TRAPPC9: variants seen among roughly 807,000 people sequenced by gnomAD.
The protein encoded by TRAPPC9 is IKK2 binding protein.
Under a neutral mutation model 124.0 loss-of-function variants are expected in TRAPPC9, and 83 were observed. That is an observed-to-expected ratio of 0.67 (90% CI 0.56 to 0.80). The LOEUF (loss-of-function observed/expected upper bound fraction) is 0.80. Among genes scored for constraint, TRAPPC9 ranks in the 30% least tolerant of loss-of-function variants. The pLI, the probability that TRAPPC9 is intolerant of heterozygous loss-of-function variation, is 0.00. For synonymous variants in TRAPPC9, 638 were observed against 617.5 expected (o/e 1.03, Z -0.49); for missense variants, 1,302 against 1,508.3 (o/e 0.86, Z 2.27).
chr8:140,065,997 AT>A (rs778010036), intron 17 of TRAPPC9, among the ~76,000 whole-genome samples: 21 of 152,258 alleles, frequency 1.4e-4, no homozygotes, highest in Non-Finnish European at 2.6e-4. Flanking sequence ...GGCAAAGTAC[AT>A]TGAAAACCTT....
intron 18 of TRAPPC9, among the ~76,000 whole-genome samples, chr8:139,998,473 C>T (rs567677506): frequency 6.6e-6 from 1 of 152,220 alleles, no homozygotes; most frequent in South Asian, 2.1e-4. Context: ...AATCCCAGCA[C>T]TTTGGGAGGC....
chr8:140,297,341 CAT>C lies in TRAPPC9; in HGVS notation c.1768+3126_1768+3127del, dbSNP rs1169019118. On this transcript the variant is annotated intron_variant, in intron 11 of 22. Transcript: ENST00000438773. Reference sequence around the variant, plus strand: ...ATGCATGCACACACTCATACACACACATGCATAGACACACACACATACACGCA... The same window carrying C: ...ATGCATGCACACACTCATACACACACGCATAGACACACACACATACACGCA... Among the ~76,000 whole-genome samples, 323 of 144,730 alleles carry C rather than the reference CAT, an allele frequency of 2.2e-3. 2 individuals are homozygous for C. The highest frequency in any genetic ancestry group is 8.2e-3 in the African/African-American group (309 of 37,542). 94.9% of individuals were successfully genotyped at this position (144,730 alleles called of 152,430 possible). A position where few individuals can be genotyped will look rare whatever the true frequency, so the allele number is the denominator to read the frequency against.
chr8:140,287,594 G>A lies in TRAPPC9; in HGVS notation c.1981+14C>T. The A allele has an allele frequency of 6.2e-7, 1 of 1,614,052 alleles. No individual in the cohort carries two copies. The highest frequency in any genetic ancestry group is 8.5e-7 in the Non-Finnish European group (1 of 1,179,952). ...GACCCTCCTGAGCAGGAAGCATGAA[G>A]GGACTCTCCTTACCGTTCACAGTAA... On this transcript the variant is annotated intron_variant, in intron 13 of 22. Coordinates refer to ENST00000438773, the MANE Select transcript of TRAPPC9 (RefSeq NM_001160372.4).
At position 140,309,403 on chromosome 8, in the gene TRAPPC9, C is replaced by T. The variant is rs138776342; in HGVS notation, c.1622+1845G>A. Reference sequence around the variant, plus strand: ...CACACAAGTGAGAGTGAACCCAGGGCCTCTCGCTTAACTCCAGGGCTGCCT... The same window carrying T: ...CACACAAGTGAGAGTGAACCCAGGGTCTCTCGCTTAACTCCAGGGCTGCCT... On this transcript the variant is annotated intron_variant, in intron 10 of 22. Transcript: ENST00000438773. 2.6e-3 allele frequency among the ~76,000 whole-genome samples: 390 copies of T among 152,344 alleles called. 1 individual carries two copies. The highest frequency in any genetic ancestry group is 9.1e-3 in the African/African-American group (377 of 41,590).
chr8:140,274,740 T>C (rs1437628201), intron 15 of TRAPPC9, among the ~76,000 whole-genome samples: 2 of 152,148 alleles, frequency 1.3e-5, no homozygotes, highest in Non-Finnish European at 1.5e-5. Flanking sequence ...TCTAAGAAAC[T>C]TGGTTTGTCG....
chr8:140,259,515 G>A (rs1466320158), intron 15 of TRAPPC9, among the ~76,000 whole-genome samples: 1 of 152,236 alleles, frequency 6.6e-6, no homozygotes. Context: ...CCTTCGATAA[G>A]TTACCAAAGT....
intron 20 of TRAPPC9, chr8:139,904,910 C>G (rs1180450417): frequency 6.6e-6 from 1 of 152,142 alleles, no homozygotes; most frequent in Non-Finnish European, 1.5e-5. Context: ...CGTCATTAGT[C>G]CTATCCCAAA....
At chr8:140,191,092 C>T (rs1025077523) in intron 17 of TRAPPC9, among the ~76,000 whole-genome samples, 1 of 152,124 alleles carries the variant, frequency 6.6e-6, no homozygotes, top group Admixed American at 6.5e-5. Context: ...AGCATCTGCC[C>T]CCACCAAGGC....
At chr8:140,269,457 C>T (rs1250734882) in intron 15 of TRAPPC9, among the ~76,000 whole-genome samples, 3 of 151,954 alleles carry the variant, frequency 2.0e-5, no homozygotes, top group Non-Finnish European at 2.9e-5. Flanking sequence ...AGGAGAATGG[C>T]GTGAACCCGG....
Position 140,455,710 on chromosome 8 carries a change from T to G in TRAPPC9, c.-11+1929A>C, listed in dbSNP as rs190078545. ...TCCCAAAGTGCTGGGATTACAGGCG[T>G]GAGCCACCATGCCTGGCCAGGCACA... On this transcript the variant is annotated intron_variant, in intron 1 of 22. Transcript: ENST00000438773. 8.4e-3 allele frequency among the ~76,000 whole-genome samples: 1,280 copies of G among 152,274 alleles called. 23 individuals carry two copies. The highest frequency in any genetic ancestry group is 0.029 in the African/African-American group (1,205 of 41,558).
At chr8:139,921,593 T>C (rs1832505217) in intron 19 of TRAPPC9, among the ~76,000 whole-genome samples, 1 of 151,830 alleles carries the variant, frequency 6.6e-6, no homozygotes, top group Non-Finnish European at 1.5e-5. Flanking sequence ...AGACACACAG[T>C]AAGGGGAGCT....
chr8:140,370,575 A>G (rs1311083743), intron 8 of TRAPPC9, among the ~76,000 whole-genome samples: 1 of 152,234 alleles, frequency 6.6e-6, no homozygotes, highest in Non-Finnish European at 1.5e-5. Context: ...ATAAGAATTT[A>G]CTGCTGAATG....
intron 20 of TRAPPC9, among the ~76,000 whole-genome samples, chr8:139,899,834 C>T (rs1250314358): frequency 6.6e-6 from 1 of 152,154 alleles, no homozygotes; most frequent in African/African-American, 2.4e-5. Context: ...TTAAAGGCCT[C>T]ACCAAGGGCT....
intron 16 of TRAPPC9, among the ~76,000 whole-genome samples, chr8:140,232,118 A>G (rs1424376977): frequency 1.3e-5 from 2 of 151,770 alleles, no homozygotes; most frequent in Admixed American, 6.6e-5. Context: ...GGGTCTTGCT[A>G]TGTTGCCCAG....
intron 9 of TRAPPC9, among the ~76,000 whole-genome samples, chr8:140,321,303 T>C (rs1046002351): frequency 6.6e-6 from 1 of 152,196 alleles, no homozygotes; most frequent in Admixed American, 6.5e-5. Context: ...GTAGTGACAG[T>C]GAACCCGGAG....
chr8:140,215,003 C>T (rs1190517229), intron 17 of TRAPPC9, among the ~76,000 whole-genome samples: 8 of 152,168 alleles, frequency 5.3e-5, no homozygotes, highest in Admixed American at 4.6e-4. Context: ...GTAACAAGCT[C>T]ATGGTGCCAG....
intron 13 of TRAPPC9, among the ~76,000 whole-genome samples, chr8:140,284,350 G>A (rs1183224233): frequency 3.3e-5 from 5 of 152,158 alleles, no homozygotes; most frequent in African/African-American, 1.2e-4. Context: ...TTGCTTTTCA[G>A]ATTTATCCAT....
intron 7 of TRAPPC9, among the ~76,000 whole-genome samples, chr8:140,394,113 T>C (rs571116858): frequency 1.3e-5 from 2 of 152,370 alleles, no homozygotes; most frequent in South Asian, 4.1e-4. Context: ...TTTTATGAAA[T>C]GTGTGTTTCT....
intron 6 of TRAPPC9, among the ~76,000 whole-genome samples, chr8:140,404,313 T>C (rs180804175): frequency 7.9e-5 from 12 of 152,286 alleles, no homozygotes; most frequent in Admixed American, 7.2e-4. Context: ...TTTTTTCTAA[T>C]TCACGGTGAA....
Sources: allele counts gnomAD v4.1 joint callset (sites outside exome capture counted in the v4.1 genomes callset), GRCh38; gene constraint gnomAD v4.1.1; transcripts MANE v1.5; gene names NCBI Gene and HGNC (gene_info 2026-07-23, HGNC 2026-07-21).